Variants in PINX1 observed in about 807,000 individuals in gnomAD.
The protein encoded by PINX1 is PIN2 (TERF1) interacting telomerase inhibitor 1.
PINX1 carries 34 observed loss-of-function variants against 25.4 expected under a neutral mutation model. The observed-to-expected ratio is 1.34, with a 90% CI of 1.02 to 1.78. PINX1 has a LOEUF of 1.78. PINX1 is among the 40% of genes most tolerant of loss of function. PINX1 has a pLI of 0.00. For missense variants in PINX1, 592 were observed against 404.9 expected, an observed-to-expected ratio of 1.46 and a Z score of -3.97; for synonymous variants, 197 against 147.7, an observed-to-expected ratio of 1.33 and a Z score of -2.42.
At chr8:10,828,386 A>G (rs1304019548) in intron 4 of PINX1, among the ~76,000 whole-genome samples, 1 of 152,168 alleles carries the variant, frequency 6.6e-6, no homozygotes, top group Non-Finnish European at 1.5e-5. Flanking sequence ...GCTGGACTGG[A>G]GGCTTTCCAT....
At chr8:10,802,147 A>C (rs1285519221) in intron 6 of PINX1, among the ~76,000 whole-genome samples, 11 of 152,196 alleles carry the variant, frequency 7.2e-5, no homozygotes, top group Admixed American at 6.5e-4. Context: ...GGAAAAAAAA[A>C]CTTTAGCATA....
chr8:10,825,453 A>G (rs560893910), intron 5 of PINX1: 36 of 534,760 alleles, frequency 6.7e-5, no homozygotes, highest in Non-Finnish European at 1.2e-4. Flanking sequence ...TGTTCTACAG[A>G]CAAACTGGGG....
At chr8:10,792,152 G>C (rs1437770833) in intron 6 of PINX1, among the ~76,000 whole-genome samples, 5 of 152,152 alleles carry the variant, frequency 3.3e-5, no homozygotes, top group African/African-American at 1.2e-4. Flanking sequence ...CTCATTGGAT[G>C]ACAGCAGGCC....
At chr8:10,837,134 T>C (rs1798429205) in intron 1 of PINX1, among the ~76,000 whole-genome samples, 1 of 152,234 alleles carries the variant, frequency 6.6e-6, no homozygotes. Flanking sequence ...TGCCTGTTTA[T>C]GCAAATGATA....
At chr8:10,818,448 G>C (rs1019666811) in intron 6 of PINX1, among the ~76,000 whole-genome samples, 3 of 152,134 alleles carry the variant, frequency 2.0e-5, no homozygotes, top group African/African-American at 4.8e-5. Flanking sequence ...AGAAACCTCT[G>C]ATCTCTTACA....
chr8:10,785,483 T>A (rs765620124), intron 6 of PINX1, among the ~76,000 whole-genome samples: 15 of 152,210 alleles, frequency 9.9e-5, no homozygotes, highest in Non-Finnish European at 1.8e-4. Context: ...AATGTTTATT[T>A]AAATTACTAT....
chr8:10,839,790 C>G lies in PINX1; in HGVS notation c.-34G>C, dbSNP rs1347381088. ...GCCTGTGATACCGCCGCCTCTGGACCTGGGTGACTGCGGCCACTGGGCGGG... is the reference window on the plus strand; with the variant it reads ...GCCTGTGATACCGCCGCCTCTGGACGTGGGTGACTGCGGCCACTGGGCGGG... On this transcript the variant is annotated 5_prime_UTR_variant, in exon 1 of 7. Coordinates refer to ENST00000314787, the MANE Select transcript of PINX1 (RefSeq NM_017884.6). 11 of 1,593,758 alleles carry G rather than the reference C, an allele frequency of 6.9e-6. No individual in the cohort carries two copies. Among genetic ancestry groups the G allele is most frequent in the Non-Finnish European group, 9.4e-6 (11 of 1,169,070 alleles).
At chr8:10,830,227 G>T (rs754636314) in intron 4 of PINX1, among the ~76,000 whole-genome samples, 6 of 152,136 alleles carry the variant, frequency 3.9e-5, no homozygotes, top group African/African-American at 7.2e-5. Context: ...TGATCCTATG[G>T]ATAAGGAAAA....
At chr8:10,812,947 T>C (rs1203554937) in intron 6 of PINX1, among the ~76,000 whole-genome samples, 1 of 152,204 alleles carries the variant, frequency 6.6e-6, no homozygotes, top group African/African-American at 2.4e-5. Context: ...GCTAGCAAAT[T>C]AGATCTTTCT....
chr8:10,798,135 C>A lies in PINX1; in HGVS notation c.471+22058G>T, dbSNP rs146955551. 6.6e-5 allele frequency among the ~76,000 whole-genome samples: 10 copies of A among 152,334 alleles called. No homozygotes were observed. The South Asian group carries it at 1.5e-3, about 22-fold the overall frequency. On this transcript the variant is annotated intron_variant, in intron 6 of 6. Transcript: ENST00000314787. ...ATGTTTCTGGGATGTTTGTAGGACACGGGTAGGCTGCCTTTGAATAAACTG... is the reference window on the plus strand; with the variant it reads ...ATGTTTCTGGGATGTTTGTAGGACAAGGGTAGGCTGCCTTTGAATAAACTG...
intron 1 of PINX1, among the ~76,000 whole-genome samples, chr8:10,836,983 A>G (rs142405140): frequency 0.014 from 2,065 of 152,204 alleles, 41 homozygotes; most frequent in African/African-American, 0.048. Context: ...TGTAATTCTC[A>G]TGCCACAGTC....
intron 6 of PINX1, among the ~76,000 whole-genome samples, chr8:10,790,895 G>GA (rs926102279): frequency 2.1e-4 from 32 of 151,092 alleles, no homozygotes; most frequent in African/African-American, 6.8e-4. Context: ...GGCTCTCAGG[G>GA]AAAAAAAAAT....
intron 6 of PINX1, among the ~76,000 whole-genome samples, chr8:10,802,912 G>T (rs1802315245): frequency 6.6e-6 from 1 of 152,144 alleles, no homozygotes; most frequent in Non-Finnish European, 1.5e-5. Flanking sequence ...TTATTGAAAG[G>T]ATTTAAGGAA....
In PINX1 at chr8:10,765,333, G is replaced by A. The variant is rs980803752; in HGVS notation, c.*68C>T. On this transcript the variant is annotated 3_prime_UTR_variant, in exon 7 of 7. Coordinates refer to ENST00000314787, the MANE Select transcript of PINX1 (RefSeq NM_017884.6). ...TGGGGTGAACTCTGCTGTGACTTCA[G>A]GCCAGAGGTGTCTGCCCCCGCAGTG... The A allele has an allele frequency of 1.4e-6, 2 of 1,422,266 alleles. No homozygotes were observed. The allele number at this position is 1,422,266 out of a possible 1,614,324, so 88.1% of individuals were successfully genotyped here.
chr8:10,839,810 G>A lies in PINX1; in HGVS notation c.-54C>T. 1 of 1,566,838 alleles carries A rather than the reference G, an allele frequency of 6.4e-7. No homozygotes were observed. Among genetic ancestry groups the A allele is most frequent in the Non-Finnish European group, 8.7e-7 (1 of 1,150,510 alleles). ...TGGACCTGGGTGACTGCGGCCACTGGGCGGGCTGGAGACTCCAGGAGAATC... is the reference window on the plus strand; with the variant it reads ...TGGACCTGGGTGACTGCGGCCACTGAGCGGGCTGGAGACTCCAGGAGAATC... On this transcript the variant is annotated 5_prime_UTR_variant, in exon 1 of 7. Transcript: ENST00000314787.
chr8:10,785,233 C>T (rs905086746), intron 6 of PINX1, among the ~76,000 whole-genome samples: 4 of 152,190 alleles, frequency 2.6e-5, no homozygotes, highest in Non-Finnish European at 2.9e-5. Flanking sequence ...ACTACACTTA[C>T]AGCTATTAAG....
chr8:10,832,828 T>G lies in PINX1; in HGVS notation c.222+64A>C, dbSNP rs977051663. On this transcript the variant is annotated intron_variant, in intron 3 of 6. Coordinates refer to ENST00000314787, the MANE Select transcript of PINX1 (RefSeq NM_017884.6). ...TCAGAAGCAGATGAACCAATCAACT[T>G]TCAGATTTACAAGACTGAAGCCAAT... 1.1e-5 allele frequency: 10 copies of G among 913,020 alleles called. No homozygotes were observed. The Middle Eastern group carries it at 6.4e-4, about 59-fold the overall frequency. 56.6% of individuals were successfully genotyped at this position (913,020 alleles called of 1,614,324 possible).
intron 2 of PINX1, chr8:10,833,417 T>C (rs1334715477): frequency 6.4e-6 from 1 of 156,692 alleles, no homozygotes; most frequent in Non-Finnish European, 1.4e-5. Context: ...AAAAGATCAT[T>C]CTGGCTGCTG....
chr8:10,813,568 A>G lies in PINX1; in HGVS notation c.471+6625T>C, dbSNP rs114938589. ...AAAAAAGGAGATTGACAGAGACGAG[A>G]AAGGAACACAAACTGCAAAGAAGTC... On this transcript the variant is annotated intron_variant, in intron 6 of 6. Coordinates refer to ENST00000314787, the MANE Select transcript of PINX1 (RefSeq NM_017884.6). 2.4e-3 allele frequency among the ~76,000 whole-genome samples: 365 copies of G among 152,302 alleles called. 1 individual carries two copies. The highest frequency in any genetic ancestry group is 8.6e-3 in the African/African-American group (356 of 41,568).
Sources: allele counts gnomAD v4.1 joint callset (sites outside exome capture counted in the v4.1 genomes callset), GRCh38; gene constraint gnomAD v4.1.1; transcripts MANE v1.5; gene names NCBI Gene and HGNC (gene_info 2026-07-23, HGNC 2026-07-21).